NUP43: variants seen among roughly 807,000 people sequenced by gnomAD.
The protein encoded by NUP43 is nucleoporin 43.
A neutral mutation model predicts 47.3 loss-of-function variants in NUP43; 32 were observed. The ratio of observed to expected loss-of-function variants is 0.68; its 90% CI spans 0.51 to 0.91. The LOEUF is 0.91. NUP43 is among the 40% of genes least tolerant of loss of function. NUP43 has a pLI of 0.00. For missense variants in NUP43, 444 were observed against 453.9 expected (o/e 0.98, Z 0.20); for synonymous variants, 147 against 158.4 (o/e 0.93, Z 0.54).
rs1309553895 is a variant in NUP43 at position 149,734,013 on chromosome 6, G to A, written c.791-2278C>T. On this transcript the variant is annotated intron_variant, in intron 6 of 7. Transcript: ENST00000340413. ...CTAATTTTGTATTTTTAGTAGCGACGGGCTTTCTCCATGTTGGTCAGGCTG... is the reference window on the plus strand; with the variant it reads ...CTAATTTTGTATTTTTAGTAGCGACAGGCTTTCTCCATGTTGGTCAGGCTG... Among the ~76,000 whole-genome samples, 7 of 151,790 alleles carry A rather than the reference G, an allele frequency of 4.6e-5. No individual in the cohort carries two copies. The East Asian group carries it at 7.8e-4, about 17-fold the overall frequency.
At chr6:149,737,280 T>C (rs1785417846) in intron 5 of NUP43, among the ~76,000 whole-genome samples, 4 of 149,032 alleles carry the variant, frequency 2.7e-5, no homozygotes, top group Admixed American at 2.7e-4. Context: ...TAAGACTCTG[T>C]CTCAAAGAAA....
upstream of NUP43, chr6:149,746,645 C>A: frequency 6.3e-7 from 1 of 1,580,106 alleles, no homozygotes; most frequent in South Asian, 1.1e-5. Flanking sequence ...CCAGTGTGGG[C>A]ACAGTCAGTA....
At chr6:149,738,365 T>G (rs1415450669) in intron 5 of NUP43, among the ~76,000 whole-genome samples, 1 of 152,184 alleles carries the variant, frequency 6.6e-6, no homozygotes, top group African/African-American at 2.4e-5. Flanking sequence ...GGAGTATATT[T>G]TATCCATTAA....
rs944937296 is a variant in NUP43, at chr6:149,725,113, T to C, written c.*1856A>G. On this transcript the variant is annotated 3_prime_UTR_variant, in exon 8 of 8. Transcript: ENST00000340413. ...CATAAAGCTTAGTTTCTTATTAAAA[T>C]TGGCAAAACTTGTCAATTGGCATGA... The C allele has an allele frequency of 2.6e-5, 4 of 152,242 alleles. No homozygotes were observed. The highest frequency in any genetic ancestry group is 1.9e-4 in the East Asian group (1 of 5,204). The allele number at this position is 152,242 out of a possible 1,614,324, so 9.4% of individuals were successfully genotyped here.
Position 149,740,969 on chromosome 6 carries a change from C to T in NUP43, c.502+1421G>A, listed in dbSNP as rs576821520. ...TCTGGCCTATTCCCTTTGTCTAGCA[C>T]GCCATCTTTTAGTATTACTTATGGT... On this transcript the variant is annotated intron_variant, in intron 4 of 7. Coordinates refer to ENST00000340413, the MANE Select transcript of NUP43 (RefSeq NM_198887.3). Among the ~76,000 whole-genome samples the T allele has an allele frequency of 7.9e-5, 12 of 152,066 alleles. No individual in the cohort carries two copies. In the East Asian group the frequency reaches 1.2e-3, roughly 15 times the overall value.
upstream of NUP43, chr6:149,749,283 G>A (rs909200006): frequency 1.2e-5 from 2 of 163,436 alleles, no homozygotes; most frequent in African/African-American, 4.8e-5. Context: ...GTATTATTCG[G>A]GCTCCACCGA....
Position 149,746,513 on chromosome 6 carries a change from CA to C in NUP43, c.-19del, listed in dbSNP as rs1786019391. On this transcript the variant is annotated 5_prime_UTR_variant, in exon 1 of 8. Transcript: ENST00000340413. ...TCCTCCATGCCGAAAGCGGCCGCAG[CA>C]GGTACTGCAAAAAGCAAGCACAGTA... is the stretch of plus-strand genomic sequence containing the variant. 6.2e-7 allele frequency: 1 copy of C among 1,614,058 alleles called. No individual in the cohort carries two copies. The highest frequency in any genetic ancestry group is 8.5e-7 in the Non-Finnish European group (1 of 1,180,034).
chr6:149,746,316 G>C, intron 1 of NUP43, 60 bp downstream of exon 1: 2 of 1,594,228 alleles, frequency 1.3e-6, no homozygotes, highest in East Asian at 2.2e-5. Context: ...CGGAAGGCCA[G>C]GGGTCAGCTC....
chr6:149,743,900 A>G (rs1438314834), intron 2 of NUP43, among the ~76,000 whole-genome samples, 185 bp from the exon 3 acceptor site: 1 of 152,264 alleles, frequency 6.6e-6, no homozygotes, highest in East Asian at 1.9e-4. Context: ...AAGTATTTTC[A>G]TGAATAAACA....
At chr6:149,747,965 T>C (rs1254495535), upstream of NUP43, among the ~76,000 whole-genome samples, 3 of 152,248 alleles carry the variant, frequency 2.0e-5, no homozygotes, top group Admixed American at 1.3e-4. Context: ...ATGGAAAATA[T>C]TAAGTGGGTT....
chr6:149,742,438 G>A lies in NUP43; in HGVS notation c.454C>T (p.Arg152Ter), dbSNP rs752347335. 3 of 1,614,024 alleles carry A rather than the reference G, an allele frequency of 1.9e-6. No homozygotes were observed. Among genetic ancestry groups the A allele is most frequent in the African/African-American group, 1.3e-5 (1 of 74,998 alleles). ...PEIVTVGEDG[R>*]INLFRADHKE... is the part of the protein sequence containing the mutation. Reference sequence around the variant, plus strand: ...TGATCAGCTCTGAAGAGATTTATTCGACCATCCTCTCCAACTGTAACGATT... The same window carrying A: ...TGATCAGCTCTGAAGAGATTTATTCAACCATCCTCTCCAACTGTAACGATT... Residue 152 changes from arginine (R) to a stop codon, truncating the protein, a stop_gained, in exon 4 of 8, where the codon CGA (arginine) becomes TGA (stop). Transcript: ENST00000340413. LOFTEE classifies it high-confidence loss of function.
intron 3 of NUP43, 39 bp downstream of exon 3, chr6:149,743,597 CAA>C (rs34447002): frequency 0.03 from 33,287 of 1,114,280 alleles, no homozygotes; most frequent in East Asian, 0.1. Flanking sequence ...AACTCCATTT[CAA>C]AAAAAAAAAA....
Position 149,746,373 on chromosome 6 carries a change from T to A in NUP43, c.120+3A>T. ...AGGGGCTCGTCCCTATCAGCGGCGATACCTCATTGTCCCAAGATCCTGTAG... is the reference window on the plus strand; with the variant it reads ...AGGGGCTCGTCCCTATCAGCGGCGAAACCTCATTGTCCCAAGATCCTGTAG... On this transcript the variant is annotated splice_donor_region_variant and intron_variant, in intron 1 of 7. Transcript: ENST00000340413. 6.2e-7 allele frequency: 1 copy of A among 1,613,588 alleles called. No individual in the cohort carries two copies. Among genetic ancestry groups the A allele is most frequent in the Non-Finnish European group, 8.5e-7 (1 of 1,179,590 alleles).
intron 2 of NUP43, among the ~76,000 whole-genome samples, chr6:149,744,200 C>G (rs551325094): frequency 6.6e-6 from 1 of 151,798 alleles, no homozygotes; most frequent in East Asian, 1.9e-4. Flanking sequence ...GTTGACAGAG[C>G]AAGACTCAGT....
chr6:149,741,279 T>C (rs549866786), intron 4 of NUP43, among the ~76,000 whole-genome samples: 1 of 152,266 alleles, frequency 6.6e-6, no homozygotes, highest in African/African-American at 2.4e-5. Context: ...GTTCAAGCGA[T>C]TCTCATGCCT....
intron 6 of NUP43, among the ~76,000 whole-genome samples, chr6:149,734,382 C>T (rs1785214693): frequency 6.6e-6 from 1 of 151,268 alleles, no homozygotes; most frequent in South Asian, 2.1e-4. Flanking sequence ...TGCCTGTAGC[C>T]TCAGCTACTC....
chr6:149,733,595 A>C (rs551941262), intron 6 of NUP43, among the ~76,000 whole-genome samples: 2 of 152,098 alleles, frequency 1.3e-5, no homozygotes, highest in Middle Eastern at 6.8e-3. Flanking sequence ...ACAGGTATGT[A>C]TCACCATACC....
At chr6:149,732,050 C>T (rs1438409497) in intron 6 of NUP43, among the ~76,000 whole-genome samples, 2 of 151,020 alleles carry the variant, frequency 1.3e-5, no homozygotes, top group Non-Finnish European at 2.9e-5. Context: ...GGCGTGGTGG[C>T]GCGTGCTTGT....
At chr6:149,740,300 A>AAT (rs1785579374) in intron 4 of NUP43, among the ~76,000 whole-genome samples, 1 of 149,398 alleles carries the variant, frequency 6.7e-6, no homozygotes, top group African/African-American at 2.5e-5. Flanking sequence ...AAAAAAAAAA[A>AAT]GTAATGCAAC....
Sources: allele counts gnomAD v4.1 joint callset (sites outside exome capture counted in the v4.1 genomes callset), GRCh38; gene constraint gnomAD v4.1.1; transcripts MANE v1.5; gene names NCBI Gene and HGNC (gene_info 2026-07-23, HGNC 2026-07-21).